The following CHCHD3 variants were observed in gnomAD, a reference collection of about 807,000 sequenced individuals.
CHCHD3 encodes coiled-coil-helix-coiled-coil-helix domain containing 3.
A neutral mutation model predicts 38.2 loss-of-function variants in CHCHD3; 20 were observed. The ratio of observed to expected loss-of-function variants is 0.52; its 90% CI spans 0.37 to 0.76. The LOEUF (loss-of-function observed/expected upper bound fraction) is 0.76, where lower values mean the gene tolerates loss of function less well. CHCHD3 is among the 30% of genes least tolerant of loss of function. The pLI, the probability that CHCHD3 is intolerant of heterozygous loss-of-function variation, is 0.00. For synonymous variants in CHCHD3, 82 were observed against 100.0 expected (o/e 0.82, Z 1.07); for missense variants, 245 against 279.2 (o/e 0.88, Z 0.87).
At chr7:132,910,827 G>T (rs1029764245) in intron 4 of CHCHD3, among the ~76,000 whole-genome samples, 12 of 152,092 alleles carry the variant, frequency 7.9e-5, no homozygotes, top group African/African-American at 2.9e-4. Context: ...TGACCCTACC[G>T]AGTCTGAGTA....
chr7:132,868,852 G>A (rs1453402500), intron 5 of CHCHD3, among the ~76,000 whole-genome samples: 1 of 152,086 alleles, frequency 6.6e-6, no homozygotes, highest in Non-Finnish European at 1.5e-5. Flanking sequence ...ACTGCTGTGC[G>A]ACTTTCCCCA....
chr7:132,939,373 C>T (rs1031293120), intron 4 of CHCHD3, among the ~76,000 whole-genome samples: 2 of 152,096 alleles, frequency 1.3e-5, no homozygotes, highest in Admixed American at 6.6e-5. Context: ...TACAAGTATA[C>T]CATTTTTATC....
At chr7:132,902,699 A>G (rs1166598079) in intron 4 of CHCHD3, among the ~76,000 whole-genome samples, 1 of 152,196 alleles carries the variant, frequency 6.6e-6, no homozygotes, top group East Asian at 1.9e-4. Flanking sequence ...GGATAGCATT[A>G]GGAGAAATAC....
chr7:132,872,434 T>C (rs898118714), intron 5 of CHCHD3, among the ~76,000 whole-genome samples: 3 of 152,192 alleles, frequency 2.0e-5, no homozygotes, highest in East Asian at 1.9e-4. Flanking sequence ...CTGGGCTGAT[T>C]TGGCTTCGCT....
intron 4 of CHCHD3, among the ~76,000 whole-genome samples, chr7:132,941,804 G>A (rs963038067): frequency 6.6e-6 from 1 of 152,116 alleles, no homozygotes; most frequent in African/African-American, 2.4e-5. Context: ...CAGCTCTTGG[G>A]TTCCCAAGTC....
Position 133,035,929 on chromosome 7 carries a change from C to G in CHCHD3, c.170-11302G>C, listed in dbSNP as rs771964530. The stretch of plus-strand genomic sequence containing the variant: ...AGGGTCCCAGCCGCCATGGTGATTC[C>G]GCAAAGAAAGGCTGGATCCAGTCTT... On this transcript the variant is annotated intron_variant, in intron 2 of 7. Coordinates refer to ENST00000262570, the MANE Select transcript of CHCHD3 (RefSeq NM_017812.4). This position sits in a 1 kb window ranked among gnomAD's most constrained non-coding sequence, Gnocchi z 4.7. 6 of 1,562,080 alleles carry G rather than the reference C, an allele frequency of 3.8e-6. No homozygotes were observed. The highest frequency in any genetic ancestry group is 5.3e-6 in the Non-Finnish European group (6 of 1,138,038).
chr7:132,879,621 A>G (rs1808999123), intron 5 of CHCHD3, among the ~76,000 whole-genome samples: 1 of 149,896 alleles, frequency 6.7e-6, no homozygotes, highest in South Asian at 2.2e-4. Context: ...TCCCTCCCAC[A>G]GGACCAACAG....
intron 4 of CHCHD3, among the ~76,000 whole-genome samples, chr7:132,965,088 T>G: frequency 6.6e-6 from 1 of 152,058 alleles, no homozygotes; most frequent in African/African-American, 2.4e-5. Context: ...TGTGTGTGTT[T>G]TACTTCCTGT....
chr7:132,990,943 GACACACATACAC>G (rs1364611406), intron 3 of CHCHD3, among the ~76,000 whole-genome samples: 4 of 79,426 alleles, frequency 5.0e-5, no homozygotes, highest in African/African-American at 2.0e-4. Flanking sequence ...CCCCTACACA[GACACACATACAC>G]ACACACACAC....
intron 5 of CHCHD3, among the ~76,000 whole-genome samples, chr7:132,881,742 A>G (rs1419407454): frequency 2.6e-5 from 4 of 152,200 alleles, no homozygotes; most frequent in Admixed American, 2.6e-4. Flanking sequence ...TACAATACGA[A>G]TTAATGGATT....
chr7:132,898,772 G>A (rs922945053), intron 4 of CHCHD3, among the ~76,000 whole-genome samples: 10 of 152,234 alleles, frequency 6.6e-5, no homozygotes, highest in Admixed American at 2.0e-4. Flanking sequence ...GCTAAGGCCC[G>A]GCGAGAAATC....
intron 3 of CHCHD3, among the ~76,000 whole-genome samples, chr7:132,993,672 C>CT (rs1562932107): frequency 6.6e-6 from 1 of 152,228 alleles, no homozygotes; most frequent in African/African-American, 2.4e-5. Flanking sequence ...ATGCCAGCAG[C>CT]TGATGAGTTT....
At position 132,910,176 on chromosome 7, in the gene CHCHD3, C is replaced by T. The variant is rs556204163; in HGVS notation, c.370-24431G>A. On this transcript the variant is annotated intron_variant, in intron 4 of 7. Transcript: ENST00000262570. ...TGCACAGATTTGGATATATTAAGGG[C>T]GGCCCTGGAACCCATCCACTGTGTA... Among the ~76,000 whole-genome samples, 6 of 152,266 alleles carry T rather than the reference C, an allele frequency of 3.9e-5. No individual in the cohort carries two copies. The East Asian group carries it at 5.8e-4, about 15-fold the overall frequency.
At chr7:132,919,201 C>T (rs938424810) in intron 4 of CHCHD3, among the ~76,000 whole-genome samples, 7 of 150,022 alleles carry the variant, frequency 4.7e-5, no homozygotes, top group African/African-American at 1.7e-4. Context: ...CTCCGCCTCC[C>T]GGGTTCACAC....
intron 4 of CHCHD3, among the ~76,000 whole-genome samples, chr7:132,947,906 G>A (rs2117281789): frequency 1.3e-5 from 2 of 151,988 alleles, no homozygotes; most frequent in Middle Eastern, 6.8e-3. Context: ...ATGACATACA[G>A]ATATCATTTA....
At chr7:132,934,180 G>T (rs1453030792) in intron 4 of CHCHD3, among the ~76,000 whole-genome samples, 5 of 152,166 alleles carry the variant, frequency 3.3e-5, no homozygotes, top group Non-Finnish European at 7.3e-5. Context: ...TTGTTAAATT[G>T]CAGATTCTGC....
At chr7:132,996,305 C>T (rs997225040) in intron 3 of CHCHD3, among the ~76,000 whole-genome samples, 3 of 152,168 alleles carry the variant, frequency 2.0e-5, no homozygotes, top group African/African-American at 7.2e-5. Context: ...CAAAAGCACA[C>T]GCAGTTATTG....
rs1333458780 is a variant in CHCHD3 at position 133,035,884 on chromosome 7, A to G, written c.170-11257T>C. On this transcript the variant is annotated intron_variant, in intron 2 of 7. Transcript: ENST00000262570. This position sits in a 1 kb window ranked among gnomAD's most constrained non-coding sequence, Gnocchi z 4.7. ...GCGATGAGAGCCTTGAAGGCCCTCCAGTTTTCAGGATACGTGTACAGGGTC... is the reference window on the plus strand; with the variant it reads ...GCGATGAGAGCCTTGAAGGCCCTCCGGTTTTCAGGATACGTGTACAGGGTC... The G allele has an allele frequency of 2.5e-6, 4 of 1,612,316 alleles. No individual in the cohort carries two copies. The highest frequency in any genetic ancestry group is 3.4e-6 in the Non-Finnish European group (4 of 1,178,632).
chr7:132,930,976 G>C (rs1421837474), intron 4 of CHCHD3, among the ~76,000 whole-genome samples: 1 of 152,134 alleles, frequency 6.6e-6, no homozygotes, highest in African/African-American at 2.4e-5. Flanking sequence ...CTATATGCAG[G>C]TATCAGTCTT....
Sources: gnomAD v4.1 joint callset for allele counts (sites outside exome capture counted in the v4.1 genomes callset) on GRCh38, gnomAD v4.1.1 for gene constraint, Gnocchi (gnomAD v3.1) non-coding constraint, MANE v1.5 for transcripts, NCBI Gene and HGNC (gene_info 2026-07-23, HGNC 2026-07-21) for gene names.